KALRN: variants seen among roughly 807,000 people sequenced by gnomAD.
KALRN encodes kalirin.
Under a neutral mutation model 353.7 loss-of-function variants are expected in KALRN, and 70 were observed. That is an observed-to-expected ratio of 0.20 (90% CI 0.16 to 0.24). The LOEUF (loss-of-function observed/expected upper bound fraction) is 0.24. Ranked by LOEUF, KALRN falls within the 10% of genes least tolerant of loss-of-function variation. The pLI, the probability that KALRN is intolerant of heterozygous loss-of-function variation, is 1.00. For synonymous variants in KALRN, 1,391 were observed against 1,434.8 expected (o/e 0.97, Z 0.69); for missense variants, 2,791 against 3,756.7 (o/e 0.74, Z 6.72).
chr3:124,082,554 T>G (rs2060599461), intron 1 of KALRN, among the ~76,000 whole-genome samples: 1 of 152,160 alleles, frequency 6.6e-6, no homozygotes, highest in African/African-American at 2.4e-5. Flanking sequence ...AGAAGGGAAG[T>G]GATACCAAAT....
At chr3:124,069,227 G>C (rs2042632004) in intron 1 of KALRN, among the ~76,000 whole-genome samples, 1 of 151,656 alleles carries the variant, frequency 6.6e-6, no homozygotes, top group African/African-American at 2.4e-5. Flanking sequence ...GCTAAGACTT[G>C]AACCAATTAG....
intron 21 of KALRN, among the ~76,000 whole-genome samples, chr3:124,447,656 T>C (rs529967): frequency 0.38 from 58,016 of 152,018 alleles, 11,286 homozygotes; most frequent in African/African-American, 0.4. Context: ...TTAAGAGATG[T>C]TCTTGTTGGG....
At chr3:124,040,008 A>G (rs2149072876) in intron 1 of KALRN, among the ~76,000 whole-genome samples, 1 of 152,264 alleles carries the variant, frequency 6.6e-6, no homozygotes, top group South Asian at 2.1e-4. Flanking sequence ...TCTACTATTA[A>G]TATATTTTAG....
chr3:124,366,822 C>CCGGGCGGGGG lies in KALRN; in HGVS notation c.1771-18023_1771-18022insCGGGCGGGGG, dbSNP rs1201309770. On this transcript the variant is annotated intron_variant, in intron 10 of 59. Transcript: ENST00000682506. ...CTCACCTCCCGGACGGGGTGGCTGG[C>CCGGGCGGGGG]TGGGCGGGGGTCTGACCCCCCCACC... Among the ~76,000 whole-genome samples the CCGGGCGGGGG allele has an allele frequency of 4.9e-4, 72 of 145,670 alleles. 5 individuals are homozygous for CCGGGCGGGGG. Among genetic ancestry groups the CCGGGCGGGGG allele is most frequent in the African/African-American group, 1.8e-3 (69 of 37,822 alleles).
chr3:124,244,259 C>T (rs947611823), intron 3 of KALRN, among the ~76,000 whole-genome samples: 6 of 151,778 alleles, frequency 4.0e-5, no homozygotes, highest in East Asian at 1.9e-4. Context: ...TTTTTTGAGA[C>T]GGAGTTTCAC....
At chr3:124,133,285 G>T (rs927064231) in intron 1 of KALRN, among the ~76,000 whole-genome samples, 1 of 152,148 alleles carries the variant, frequency 6.6e-6, no homozygotes. Flanking sequence ...TGGGCAAGCT[G>T]GGTGACAGTA....
intron 34 of KALRN, among the ~76,000 whole-genome samples, chr3:124,621,401 A>G: frequency 6.6e-6 from 1 of 152,190 alleles, no homozygotes; most frequent in East Asian, 1.9e-4. Flanking sequence ...TGAGTTGGTA[A>G]AGGATGCATT....
At chr3:124,545,973 C>T (rs529425001) in intron 33 of KALRN, among the ~76,000 whole-genome samples, 4 of 152,224 alleles carry the variant, frequency 2.6e-5, no homozygotes, top group Admixed American at 6.5e-5. Flanking sequence ...GAATTTTTTC[C>T]GTAAGTCGTC....
chr3:124,452,416 A>C (rs1490660150), intron 21 of KALRN, among the ~76,000 whole-genome samples: 3 of 152,216 alleles, frequency 2.0e-5, no homozygotes, highest in African/African-American at 7.2e-5. Context: ...TTTAGGGTTC[A>C]TGGTCTAATG....
chr3:124,040,418 T>G (rs1359000860), intron 1 of KALRN, among the ~76,000 whole-genome samples: 1 of 151,764 alleles, frequency 6.6e-6, no homozygotes, highest in Non-Finnish European at 1.5e-5. Flanking sequence ...TCATAGAACA[T>G]TTAGCAATGC....
In KALRN at chr3:124,705,812, CT is replaced by C. The variant is rs1484478905; in HGVS notation, c.8075+3698del. Among the ~76,000 whole-genome samples, 5 of 150,576 alleles carry C rather than the reference CT, an allele frequency of 3.3e-5. No homozygotes were observed. The East Asian group carries it at 9.9e-4, about 30-fold the overall frequency. On this transcript the variant is annotated intron_variant, in intron 57 of 59. Coordinates refer to ENST00000682506, the MANE Select transcript of KALRN (RefSeq NM_001388419.1). The stretch of plus-strand genomic sequence containing the variant: ...AAAAGACTGGTCCCTCCCTTCCTTC[CT>C]TCCTTCCTCCCTTCCTTCCTTCCTT...
rs1362057830 is a variant in KALRN, at chr3:124,477,236, TC to T, written c.4102-8del. 2 of 1,595,580 alleles carry T rather than the reference TC, an allele frequency of 1.3e-6. No individual in the cohort carries two copies. Among genetic ancestry groups the T allele is most frequent in the South Asian group, 2.2e-5 (2 of 90,548 alleles). Reference sequence around the variant, plus strand: ...AATGCTTATCTATTATTATCTTTGTTCTTTTTAGGCAGACAAATTTCAGATG... The same window carrying T: ...AATGCTTATCTATTATTATCTTTGTTTTTTTAGGCAGACAAATTTCAGATG... On this transcript the variant is annotated splice_region_variant and splice_polypyrimidine_tract_variant and intron_variant, in intron 26 of 59. Transcript: ENST00000682506.
intron 1 of KALRN, among the ~76,000 whole-genome samples, chr3:124,048,178 G>A (rs2040688120): frequency 6.6e-6 from 1 of 152,142 alleles, no homozygotes; most frequent in Admixed American, 6.5e-5. Flanking sequence ...GGGCAATATA[G>A]GAAGACAGAG....
At chr3:124,614,098 G>A (rs1314576150) in intron 34 of KALRN, among the ~76,000 whole-genome samples, 1 of 152,182 alleles carries the variant, frequency 6.6e-6, no homozygotes, top group Admixed American at 6.5e-5. Context: ...TCTGTTTCAC[G>A]TGAAAACTTC....
At chr3:124,359,093 A>G (rs1560670881) in intron 10 of KALRN, among the ~76,000 whole-genome samples, 1 of 152,000 alleles carries the variant, frequency 6.6e-6, no homozygotes, top group African/African-American at 2.4e-5. Context: ...TGCCTCTAAG[A>G]TTTTCATCAG....
intron 33 of KALRN, among the ~76,000 whole-genome samples, chr3:124,559,590 T>A (rs1348905766): frequency 6.6e-6 from 1 of 151,970 alleles, no homozygotes; most frequent in Non-Finnish European, 1.5e-5. Flanking sequence ...CAGAGAAGAA[T>A]CAAAAACATA....
intron 10 of KALRN, among the ~76,000 whole-genome samples, chr3:124,348,592 G>A (rs1228762142): frequency 6.6e-6 from 1 of 152,198 alleles, no homozygotes; most frequent in African/African-American, 2.4e-5. Context: ...CACTGTTGAT[G>A]AGAATGTAAA....
At chr3:124,474,586 T>C in intron 25 of KALRN, 77 bp from the exon 26 acceptor site, 2 of 1,095,592 alleles carry the variant, frequency 1.8e-6, no homozygotes, top group Non-Finnish European at 2.8e-6. Context: ...AAGTTATGGT[T>C]GTGCTGGCCT....
chr3:124,587,909 G>T (rs1366845381), intron 34 of KALRN, among the ~76,000 whole-genome samples: 1 of 151,842 alleles, frequency 6.6e-6, no homozygotes, highest in African/African-American at 2.4e-5. Context: ...TGCCAGGCTG[G>T]TCTCAAACTT....
Sources: allele counts gnomAD v4.1 joint callset (sites outside exome capture counted in the v4.1 genomes callset), GRCh38; gene constraint gnomAD v4.1.1; transcripts MANE v1.5; gene names NCBI Gene and HGNC (gene_info 2026-07-23, HGNC 2026-07-21).